MGAT5B: variants seen among roughly 807,000 people sequenced by gnomAD.
MGAT5B encodes N-acetylglucosaminyl-transferase Vb.
In MGAT5B, 54 loss-of-function variants were observed where a neutral mutation model predicts 95.1. The ratio of observed to expected loss-of-function variants is 0.57; its 90% CI spans 0.46 to 0.71. MGAT5B has a LOEUF of 0.71. MGAT5B is among the 30% of genes least tolerant of loss of function. MGAT5B has a pLI of 0.00. For synonymous variants in MGAT5B, 464 were observed against 451.0 expected (o/e 1.03, Z -0.36); for missense variants, 935 against 1,088.6 (o/e 0.86, Z 1.99).
intron 3 of MGAT5B, among the ~76,000 whole-genome samples, chr17:76,900,020 G>A (rs75124408): frequency 0.11 from 16,490 of 152,136 alleles, 1,124 homozygotes; most frequent in East Asian, 0.19. Flanking sequence ...CACAGGTGCC[G>A]CTGGCCACGC....
chr17:76,946,576 C>A (rs962396324), intron 16 of MGAT5B, 126 bp downstream of exon 16: 1 of 783,068 alleles, frequency 1.3e-6, no homozygotes, highest in Non-Finnish European at 1.9e-6. Flanking sequence ...CCTCCTCCAG[C>A]CTGTCCAGTC....
Position 76,915,342 on chromosome 17 carries a change from G to T in MGAT5B, c.1025+9155G>T, listed in dbSNP as rs1311132654. The stretch of plus-strand genomic sequence containing the variant: ...AAATGCAGCGGGGTGGGGGGCCTGG[G>T]CTGGGGGCCGGGGATCGGGCACTCC... On this transcript the variant is annotated intron_variant, in intron 8 of 17. Transcript: ENST00000569840. The surrounding 1 kb of genome is among the most constrained non-coding windows in gnomAD (Gnocchi z 8.7). Among the ~76,000 whole-genome samples, 1 of 151,526 alleles carries T rather than the reference G, an allele frequency of 6.6e-6. No individual in the cohort carries two copies. The highest frequency in any genetic ancestry group is 1.5e-5 in the Non-Finnish European group (1 of 67,924).
intron 10 of MGAT5B, among the ~76,000 whole-genome samples, chr17:76,928,389 C>T (rs1406907193): frequency 1.3e-5 from 2 of 152,004 alleles, no homozygotes; most frequent in Non-Finnish European, 2.9e-5. Flanking sequence ...AGTTGAGAAG[C>T]TTGGGTATTT....
chr17:76,896,453 T>C (rs1488490326), intron 3 of MGAT5B, among the ~76,000 whole-genome samples: 3 of 152,196 alleles, frequency 2.0e-5, no homozygotes, highest in Non-Finnish European at 1.5e-5. Context: ...AGTAAAGTGC[T>C]TTGCTTTGTA....
intron 10 of MGAT5B, 44 bp downstream of exon 10, chr17:76,926,774 A>G: frequency 6.2e-7 from 1 of 1,603,190 alleles, no homozygotes. Flanking sequence ...GGTCCTCCTC[A>G]TGGTTCTCAG....
intron 8 of MGAT5B, among the ~76,000 whole-genome samples, chr17:76,910,589 A>G (rs1046060384): frequency 4.6e-5 from 7 of 152,258 alleles, no homozygotes. Flanking sequence ...ATGCTCCTGC[A>G]TGTGCAGACA....
In MGAT5B at chr17:76,938,025, T is replaced by C. The variant is rs1969732844; in HGVS notation, c.1466T>C (p.Met489Thr). 6.2e-7 allele frequency: 1 copy of C among 1,614,034 alleles called. No individual in the cohort carries two copies. The highest frequency in any genetic ancestry group is 1.3e-5 in the African/African-American group (1 of 74,918). Residue 489 changes from methionine (M) to threonine (T), a missense_variant, in exon 13 of 18, where the codon ATG becomes ACG. This residue lies in a region of MGAT5B where 440 missense variants were observed against 523.6 expected (regional missense o/e 0.84). Coordinates refer to ENST00000569840, the MANE Select transcript of MGAT5B (RefSeq NM_001199172.2). The surrounding 1 kb of genome is among the most constrained non-coding windows in gnomAD (Gnocchi z 4.3). ...TTCCTGGGCATCCTGAACAAATACA[T>C]GGAGATCCATGGCACCGTGTACTAC... Reference protein sequence around the residue: ...EKFLGILNKYMEIHGTVYYES... With the variant: ...EKFLGILNKYTEIHGTVYYES...
At chr17:76,903,754 AG>A (rs1968411382) in intron 5 of MGAT5B, among the ~76,000 whole-genome samples, 1 of 152,190 alleles carries the variant, frequency 6.6e-6, no homozygotes, top group South Asian at 2.1e-4. Flanking sequence ...AGTCGTCCAC[AG>A]CCGTGAAGTC....
intron 9 of MGAT5B, 80 bp downstream of exon 9, chr17:76,925,177 C>T: frequency 2.6e-6 from 4 of 1,564,082 alleles, no homozygotes; most frequent in Non-Finnish European, 3.5e-6. Context: ...GCCCCCACGT[C>T]CCCACTCAGC....
rs576016395 is a variant in MGAT5B at position 76,915,526 on chromosome 17, A to G, written c.1025+9339A>G. ...TATGCTATCCCTCGAAACAAACAGG[A>G]TTCGAACCAAATATGGCAAAATGTT... is the stretch of plus-strand genomic sequence containing the variant. On this transcript the variant is annotated intron_variant, in intron 8 of 17. Coordinates refer to ENST00000569840, the MANE Select transcript of MGAT5B (RefSeq NM_001199172.2). The surrounding 1 kb of genome is among the most constrained non-coding windows in gnomAD (Gnocchi z 8.7). 2.6e-5 allele frequency among the ~76,000 whole-genome samples: 4 copies of G among 152,192 alleles called. No individual in the cohort carries two copies. The highest frequency in any genetic ancestry group is 4.4e-5 in the Non-Finnish European group (3 of 68,044).
At chr17:76,932,400 T>C (rs1001128620) in intron 10 of MGAT5B, among the ~76,000 whole-genome samples, 37 of 152,106 alleles carry the variant, frequency 2.4e-4, no homozygotes, top group African/African-American at 8.9e-4. Flanking sequence ...TCCCAGAGTG[T>C]TGGGATTATA....
At chr17:76,874,427 G>A (rs1041169393) in intron 2 of MGAT5B, among the ~76,000 whole-genome samples, 10 of 152,086 alleles carry the variant, frequency 6.6e-5, no homozygotes, top group East Asian at 3.9e-4. Flanking sequence ...GGGAGCAGTC[G>A]TGAAGGTGAA....
At chr17:76,942,539 A>G (rs1969894055) in intron 15 of MGAT5B, among the ~76,000 whole-genome samples, 1 of 152,208 alleles carries the variant, frequency 6.6e-6, no homozygotes, top group Non-Finnish European at 1.5e-5. Context: ...AAAAATTTTA[A>G]AAAGATAAAT....
intron 2 of MGAT5B, among the ~76,000 whole-genome samples, chr17:76,880,358 G>A (rs1967364239): frequency 6.6e-6 from 1 of 152,204 alleles, no homozygotes; most frequent in Admixed American, 6.5e-5. Flanking sequence ...CCTCAGGCGG[G>A]TTCACCTGGC....
Position 76,882,311 on chromosome 17 carries a change from G to A in MGAT5B, c.329+13G>A. The stretch of plus-strand genomic sequence containing the variant: ...TTCCCGCAGACAGGTGAGGGGACGT[G>A]GGGAGGAGGCACACGGAGCAGGGGA... On this transcript the variant is annotated intron_variant, in intron 3 of 17. Transcript: ENST00000569840. 6.2e-7 allele frequency: 1 copy of A among 1,601,986 alleles called. No individual in the cohort carries two copies. The highest frequency in any genetic ancestry group is 1.1e-5 in the South Asian group (1 of 89,344).
At chr17:76,873,103 G>A (rs773179774) in intron 2 of MGAT5B, 140 bp downstream of exon 2, 3 of 912,214 alleles carry the variant, frequency 3.3e-6, no homozygotes, top group Non-Finnish European at 4.9e-6. Context: ...CTGGGCTTGG[G>A]CCGTATGACC....
Position 76,869,925 on chromosome 17 carries a change from G to A in MGAT5B, c.68+828G>A, listed in dbSNP as rs1433379371. On this transcript the variant is annotated intron_variant, in intron 1 of 17. Coordinates refer to ENST00000569840, the MANE Select transcript of MGAT5B (RefSeq NM_001199172.2). The surrounding 1 kb of genome is among the most constrained non-coding windows in gnomAD (Gnocchi z 7.0). Reference sequence around the variant, plus strand: ...GCCCCCTCTCCTCCCAGGCATCCGCGGAACCGGCCCGCAGCGGGGTGGGGA... The same window carrying A: ...GCCCCCTCTCCTCCCAGGCATCCGCAGAACCGGCCCGCAGCGGGGTGGGGA... 6.6e-6 allele frequency among the ~76,000 whole-genome samples: 1 copy of A among 152,144 alleles called. No homozygotes were observed. Among genetic ancestry groups the A allele is most frequent in the East Asian group, 1.9e-4 (1 of 5,188 alleles).
intron 3 of MGAT5B, among the ~76,000 whole-genome samples, chr17:76,887,171 A>T (rs1967664380): frequency 1.3e-5 from 2 of 152,242 alleles, no homozygotes; most frequent in Admixed American, 6.5e-5. Flanking sequence ...GTGTCCTGGG[A>T]ACACTCAGAC....
chr17:76,947,662 C>G (rs993656985), intron 16 of MGAT5B, among the ~76,000 whole-genome samples, 168 bp from the exon 17 acceptor site: 1 of 152,218 alleles, frequency 6.6e-6, no homozygotes, highest in Non-Finnish European at 1.5e-5. Context: ...TCTGGAGACA[C>G]GAGTGTCCAT....
Sources: gnomAD v4.1 joint callset for allele counts (sites outside exome capture counted in the v4.1 genomes callset) on GRCh38, gnomAD v4.1.1 for gene constraint, gnomAD v4.1.1 regional missense constraint, Gnocchi (gnomAD v3.1) non-coding constraint, MANE v1.5 for transcripts, NCBI Gene and HGNC (gene_info 2026-07-23, HGNC 2026-07-21) for gene names.